The following TMEM232 variants were observed in gnomAD, a reference collection of about 807,000 sequenced individuals.
TMEM232 encodes the protein transmembrane protein 232.
Under a neutral mutation model 78.8 loss-of-function variants are expected in TMEM232, and 80 were observed. That is an observed-to-expected ratio of 1.01 (90% confidence interval 0.85 to 1.22). The LOEUF is 1.22. Among genes scored for constraint, TMEM232 ranks in the 50% most tolerant of loss-of-function variants. The probability of loss-of-function intolerance (pLI) is 0.00; values close to 1 mark genes in which losing one functional copy is unlikely to be tolerated. For synonymous variants in TMEM232, 297 were observed against 254.3 expected, an observed-to-expected ratio of 1.17 and a Z score of -1.60; for missense variants, 881 against 742.2, an observed-to-expected ratio of 1.19 and a Z score of -2.17.
At chr5:110,388,721 T>C (rs1029721746) in intron 4 of TMEM232, among the ~76,000 whole-genome samples, 1 of 152,126 alleles carries the variant, frequency 6.6e-6, no homozygotes, top group African/African-American at 2.4e-5. Context: ...TTGAAGGCCA[T>C]ATAAATAGCA....
At chr5:110,566,721 A>G (rs373414521) in intron 11 of TMEM232, among the ~76,000 whole-genome samples, 7 of 151,934 alleles carry the variant, frequency 4.6e-5, no homozygotes, top group South Asian at 4.1e-4. Context: ...ACATTTTTCT[A>G]TCTTCTTCAG....
intron 1 of TMEM232, among the ~76,000 whole-genome samples, chr5:110,674,120 T>C (rs1791729452): frequency 6.6e-6 from 1 of 152,072 alleles, no homozygotes; most frequent in African/African-American, 2.4e-5. Flanking sequence ...CTAATTTACA[T>C]CAAGTCTGGT....
chr5:110,698,000 T>C (rs376143347), intron 1 of TMEM232, among the ~76,000 whole-genome samples: 4 of 152,066 alleles, frequency 2.6e-5, no homozygotes, highest in Non-Finnish European at 5.9e-5. Flanking sequence ...ATGTTTATTG[T>C]GGCACTATTC....
intron 3 of TMEM232, among the ~76,000 whole-genome samples, chr5:110,641,593 A>C (rs772272436): frequency 6.6e-6 from 1 of 152,140 alleles, no homozygotes; most frequent in Non-Finnish European, 1.5e-5. Context: ...TTTTTTCAAA[A>C]TTTTCAAATA....
At chr5:110,631,263 A>G (rs1423955347) in intron 5 of TMEM232, among the ~76,000 whole-genome samples, 2 of 152,138 alleles carry the variant, frequency 1.3e-5, no homozygotes, top group Admixed American at 1.3e-4. Context: ...ACCAAGGCAC[A>G]CACTTTCCAG....
In TMEM232 at chr5:110,559,491, A is replaced by G. The variant is rs549427968; in HGVS notation, c.1455+8956T>C. On this transcript the variant is annotated intron_variant, in intron 11 of 13. Coordinates refer to ENST00000455884, the MANE Select transcript of TMEM232 (RefSeq NM_001039763.4). ...ATTCCCACAAATTAAAAAGTAAAAAATTCCAATTAAAAATGGGACAAAATT... is the reference window on the plus strand; with the variant it reads ...ATTCCCACAAATTAAAAAGTAAAAAGTTCCAATTAAAAATGGGACAAAATT... 3.0e-3 allele frequency among the ~76,000 whole-genome samples: 461 copies of G among 152,270 alleles called. 3 individuals carry two copies. The highest frequency in any genetic ancestry group is 0.011 in the African/African-American group (438 of 41,576).
intron 2 of TMEM232, among the ~76,000 whole-genome samples, chr5:110,656,904 AT>A (rs1276466840): frequency 6.6e-6 from 1 of 152,122 alleles, no homozygotes; most frequent in African/African-American, 2.4e-5. Context: ...CAGTGGAGAT[AT>A]TTTTAATTCA....
At chr5:110,519,160 A>T (rs1769127498) in intron 12 of TMEM232, among the ~76,000 whole-genome samples, 1 of 152,182 alleles carries the variant, frequency 6.6e-6, no homozygotes, top group African/African-American at 2.4e-5. Flanking sequence ...TATAATTTTT[A>T]AAAATTGACT....
At chr5:110,508,858 A>G (rs1425854463) in intron 12 of TMEM232, among the ~76,000 whole-genome samples, 2 of 145,312 alleles carry the variant, frequency 1.4e-5, no homozygotes, top group African/African-American at 2.5e-5. Flanking sequence ...ATAATTATAT[A>G]TATATATACA....
At chr5:110,499,030 C>G (rs146741132) in intron 12 of TMEM232, among the ~76,000 whole-genome samples, 52 of 151,970 alleles carry the variant, frequency 3.4e-4, no homozygotes, top group Non-Finnish European at 3.1e-4. Context: ...ACAGTAATAC[C>G]TTAAACAACT....
At chr5:110,606,376 G>A in intron 8 of TMEM232, 89 bp from the exon 9 acceptor site, 1 of 1,285,614 alleles carries the variant, frequency 7.8e-7, no homozygotes, top group Non-Finnish European at 1.0e-6. Context: ...AAATAGGTCA[G>A]AGGAAATGCA....
intron 11 of TMEM232, among the ~76,000 whole-genome samples, chr5:110,549,683 T>C (rs1163365947): frequency 7.1e-6 from 1 of 141,012 alleles, no homozygotes; most frequent in African/African-American, 2.6e-5. Context: ...AGAACAAAGA[T>C]GAAAATAAGA....
intron 12 of TMEM232, among the ~76,000 whole-genome samples, chr5:110,509,718 A>G (rs1339340052): frequency 1.3e-5 from 2 of 152,134 alleles, no homozygotes; most frequent in African/African-American, 4.8e-5. Flanking sequence ...TAAGTTCTTT[A>G]GAAATATCGT....
At chr5:110,645,070 G>A (rs765727540) in intron 2 of TMEM232, among the ~76,000 whole-genome samples, 1 of 151,324 alleles carries the variant, frequency 6.6e-6, no homozygotes, top group Non-Finnish European at 1.5e-5. Flanking sequence ...TAAAAAAAAA[G>A]ATTAGATTAG....
intron 7 of TMEM232, among the ~76,000 whole-genome samples, chr5:110,619,626 T>C (rs906745096): frequency 6.6e-6 from 1 of 152,202 alleles, no homozygotes; most frequent in Admixed American, 6.5e-5. Flanking sequence ...ATGTAAAGCA[T>C]TAGTCTGAGA....
intron 2 of TMEM232, among the ~76,000 whole-genome samples, chr5:110,665,161 A>G (rs917077505): frequency 6.6e-6 from 1 of 152,196 alleles, no homozygotes; most frequent in Non-Finnish European, 1.5e-5. Context: ...AATTTCTTAA[A>G]ATTTAAAAAT....
chr5:110,659,169 T>C (rs1175173200), intron 2 of TMEM232, among the ~76,000 whole-genome samples: 1 of 152,072 alleles, frequency 6.6e-6, no homozygotes, highest in African/African-American at 2.4e-5. Flanking sequence ...CCAAAGTAGG[T>C]GTCAGTGGAT....
At chr5:110,464,635 A>G (rs1163275202) in intron 12 of TMEM232, among the ~76,000 whole-genome samples, 2 of 152,226 alleles carry the variant, frequency 1.3e-5, no homozygotes, top group Non-Finnish European at 1.5e-5. Flanking sequence ...TCATCTTTAT[A>G]TAACGAGGGA....
intron 3 of TMEM232, among the ~76,000 whole-genome samples, chr5:110,395,900 A>G (rs1213141314): frequency 6.6e-6 from 1 of 152,050 alleles, no homozygotes; most frequent in East Asian, 1.9e-4. Flanking sequence ...GAGATCTCGA[A>G]CTGATGCAAC....
Sources: allele counts gnomAD v4.1 joint callset (sites outside exome capture counted in the v4.1 genomes callset), GRCh38; gene constraint gnomAD v4.1.1; transcripts MANE v1.5; gene names NCBI Gene and HGNC (gene_info 2026-07-23, HGNC 2026-07-21).